The following HEATR4 variants were observed in gnomAD, a reference collection of about 807,000 sequenced individuals.
HEATR4 encodes the protein HEAT repeat-containing protein 4.
In HEATR4, 95 loss-of-function variants were observed where a neutral mutation model predicts 108.8. That is an observed-to-expected ratio of 0.87 (90% CI 0.74 to 1.04). The LOEUF (loss-of-function observed/expected upper bound fraction) is 1.04. Among genes scored for constraint, HEATR4 ranks in the 50% least tolerant of loss-of-function variants. The pLI is 0.00. For missense variants in HEATR4, 1,152 were observed against 1,253.8 expected, an observed-to-expected ratio of 0.92 and a Z score of 1.23; for synonymous variants, 443 against 459.4, an observed-to-expected ratio of 0.96 and a Z score of 0.46.
rs1230739067 is a variant in HEATR4, at chr14:73,492,582, G to C, written c.2844+484C>G. On this transcript the variant is annotated intron_variant, in intron 17 of 17. Coordinates refer to ENST00000553558, the MANE Select transcript of HEATR4 (RefSeq NM_001220484.1). The surrounding 1 kb of genome is among the most constrained non-coding windows in gnomAD (Gnocchi z 4.9). The stretch of plus-strand genomic sequence containing the variant: ...TTGACTGATAGGGAGAGGGCACTAA[G>C]TGTTTACGGGCTTCCAATTCGCTGG... 3 of 1,613,804 alleles carry C rather than the reference G, an allele frequency of 1.9e-6. No individual in the cohort carries two copies. The highest frequency in any genetic ancestry group is 1.1e-5 in the South Asian group (1 of 91,092).
At chr14:73,628,240 G>A in the HEATR4 span, among the ~76,000 whole-genome samples, 1 of 152,156 alleles carries the variant, frequency 6.6e-6, no homozygotes, top group Non-Finnish European at 1.5e-5. Context: ...AATCTTTTAG[G>A]AGTTGTATGT....
chr14:73,614,871 T>C, the HEATR4 span, among the ~76,000 whole-genome samples: 11 of 150,014 alleles, frequency 7.3e-5, no homozygotes, highest in South Asian at 2.3e-3. Context: ...CCGAGGCAGG[T>C]GGATCACCTG....
At position 73,545,830 on chromosome 14, in the gene HEATR4, T is replaced by C; in HGVS notation, c.-152+12921A>G. On this transcript the variant is annotated intron_variant, in intron 1 of 17. Coordinates refer to ENST00000553558, the MANE Select transcript of HEATR4 (RefSeq NM_001220484.1). Reference sequence around the variant, plus strand: ...ATTCTCCATTCTTAGAAATTCAGGCTGGTGAATATTAGATTCAAAAGCACC... The same window carrying C: ...ATTCTCCATTCTTAGAAATTCAGGCCGGTGAATATTAGATTCAAAAGCACC... Among the ~76,000 whole-genome samples, 2 of 112,242 alleles carry C rather than the reference T, an allele frequency of 1.8e-5. 1 individual carries two copies. The highest frequency in any genetic ancestry group is 3.8e-5 in the Non-Finnish European group (2 of 51,986). 73.6% of individuals were successfully genotyped at this position (112,242 alleles called of 152,430 possible).
At chr14:73,594,706 T>C in the HEATR4 span, among the ~76,000 whole-genome samples, 8 of 150,828 alleles carry the variant, frequency 5.3e-5, no homozygotes, top group African/African-American at 1.7e-4. Context: ...ATTTATTTAT[T>C]TATTTATCTT....
chr14:73,560,033 C>A (rs1889491810), upstream of HEATR4, among the ~76,000 whole-genome samples: 1 of 152,224 alleles, frequency 6.6e-6, no homozygotes, highest in Admixed American at 6.6e-5. Flanking sequence ...TTAACACTAG[C>A]TTTTACAAGG....
At chr14:73,580,983 T>A in the HEATR4 span, 2 of 152,036 alleles carry the variant, frequency 1.3e-5, no homozygotes, top group Non-Finnish European at 2.9e-5. Flanking sequence ...CACTCCCACC[T>A]TGGCCTCTCA....
intron 2 of HEATR4, among the ~76,000 whole-genome samples, chr14:73,527,852 G>T: frequency 6.7e-6 from 1 of 149,978 alleles, no homozygotes; most frequent in Non-Finnish European, 1.5e-5. Context: ...GGTGGCAGGT[G>T]CCTGTAATCC....
At position 73,552,039 on chromosome 14, in the gene HEATR4, C is replaced by T. The variant is rs1192636823; in HGVS notation, c.-152+6712G>A. Reference sequence around the variant, plus strand: ...GTCCTAGGATCACAGTTAAACAGGGCTCTTGACCTTCAGGTGCCCGGTCAG... The same window carrying T: ...GTCCTAGGATCACAGTTAAACAGGGTTCTTGACCTTCAGGTGCCCGGTCAG... On this transcript the variant is annotated intron_variant, in intron 1 of 17. Transcript: ENST00000553558. Among the ~76,000 whole-genome samples, 2 of 114,284 alleles carry T rather than the reference C, an allele frequency of 1.8e-5. 1 individual carries two copies. The highest frequency in any genetic ancestry group is 3.8e-5 in the Non-Finnish European group (2 of 52,292). 75.0% of individuals were successfully genotyped at this position (114,284 alleles called of 152,430 possible).
chr14:73,602,530 CTGTGTA>C, the HEATR4 span, among the ~76,000 whole-genome samples: 8 of 152,152 alleles, frequency 5.3e-5, no homozygotes, highest in Non-Finnish European at 1.2e-4. Context: ...ATACAGAGGG[CTGTGTA>C]AAGCTCAGGG....
In HEATR4 at chr14:73,498,308, G is replaced by C; in HGVS notation, c.2393C>G (p.Thr798Arg). Residue 798 changes from threonine to arginine, a missense_variant, in exon 14 of 18, where the codon ACG becomes AGG. Transcript: ENST00000553558. ...GTGGATAGCCCAGAGCAGAAGATCCGTCAGCTCGGGACTTACTTGCCCAAT... is the reference window on the plus strand; with the variant it reads ...GTGGATAGCCCAGAGCAGAAGATCCCTCAGCTCGGGACTTACTTGCCCAAT... ...GQIGQVSPEL[T>R]DLLLWAIHYE... 6.2e-7 allele frequency: 1 copy of C among 1,610,758 alleles called. No individual in the cohort carries two copies.
chr14:73,618,129 A>G, the HEATR4 span, among the ~76,000 whole-genome samples: 88,249 of 151,890 alleles, frequency 0.58, 27,097 homozygotes, highest in East Asian at 0.9. Flanking sequence ...GGCAACAAGA[A>G]TGAAACCCCA....
the HEATR4 span, among the ~76,000 whole-genome samples, chr14:73,622,207 CA>C: frequency 6.6e-6 from 1 of 151,990 alleles, no homozygotes; most frequent in African/African-American, 2.4e-5. Flanking sequence ...GATGAGAAAG[CA>C]AAGGCCAAAA....
chr14:73,506,958 G>T (rs1010588457), intron 9 of HEATR4, among the ~76,000 whole-genome samples: 1 of 151,688 alleles, frequency 6.6e-6, no homozygotes, highest in Non-Finnish European at 1.5e-5. Flanking sequence ...CTGCCACCAC[G>T]CCCGGTTAAT....
At chr14:73,524,324 T>A (rs1477064808) in intron 2 of HEATR4, among the ~76,000 whole-genome samples, 18 of 135,340 alleles carry the variant, frequency 1.3e-4, no homozygotes, top group African/African-American at 4.4e-4. Flanking sequence ...TATATATATA[T>A]ATATATATAT....
chr14:73,577,022 G>A, the HEATR4 span, among the ~76,000 whole-genome samples: 79 of 148,214 alleles, frequency 5.3e-4, 1 homozygote, highest in Non-Finnish European at 9.6e-4. Flanking sequence ...CCTCAACCTC[G>A]TAGGTTTAAG....
At chr14:73,498,472 A>G in intron 13 of HEATR4, 128 bp from the exon 14 acceptor site, 3 of 754,302 alleles carry the variant, frequency 4.0e-6, no homozygotes, top group Non-Finnish European at 6.3e-6. Flanking sequence ...AATTTTAGGG[A>G]TAGGTCAGAA....
At chr14:73,479,950 C>T (rs1216616875) in intron 17 of HEATR4, among the ~76,000 whole-genome samples, 1 of 151,996 alleles carries the variant, frequency 6.6e-6, no homozygotes, top group Non-Finnish European at 1.5e-5. Context: ...AAAAGCTGCC[C>T]ATTAAAAAAT....
chr14:73,577,710 A>T, the HEATR4 span, among the ~76,000 whole-genome samples: 5 of 152,040 alleles, frequency 3.3e-5, no homozygotes, highest in Non-Finnish European at 7.4e-5. Context: ...GCTGGTGAAT[A>T]TTAAAAGCAC....
chr14:73,506,760 T>C (rs1165644148), intron 9 of HEATR4, among the ~76,000 whole-genome samples, 189 bp from the exon 10 acceptor site: 2 of 147,460 alleles, frequency 1.4e-5, no homozygotes, highest in Non-Finnish European at 3.0e-5. Context: ...ACAAATTTAA[T>C]AACTTAAACA....
Sources: gnomAD v4.1 joint callset for allele counts (sites outside exome capture counted in the v4.1 genomes callset) on GRCh38, gnomAD v4.1.1 for gene constraint, Gnocchi (gnomAD v3.1) non-coding constraint, MANE v1.5 for transcripts, NCBI Gene and HGNC (gene_info 2026-07-23, HGNC 2026-07-21) for gene names.